Variants in WDR81 observed in about 807,000 individuals in gnomAD.
WDR81 encodes the protein WD repeat domain 81, also known as WD repeat-containing protein 81.
A neutral mutation model predicts 140.8 loss-of-function variants in WDR81; 92 were observed. That is an observed-to-expected ratio of 0.65 (90% CI 0.55 to 0.78). The LOEUF (loss-of-function observed/expected upper bound fraction) is 0.78, where lower values mean the gene tolerates loss of function less well. WDR81 is among the 30% of genes least tolerant of loss of function. The probability of loss-of-function intolerance (pLI) is 0.00; values close to 1 mark genes in which losing one functional copy is unlikely to be tolerated. For missense variants in WDR81, 2,502 were observed against 2,636.4 expected (o/e 0.95, Z 1.12); for synonymous variants, 1,183 against 1,156.4 (o/e 1.02, Z -0.47).
rs2151176660 is a variant in WDR81, at chr17:1,735,614, C to T, written c.5222C>T (p.Pro1741Leu). 1.2e-6 allele frequency: 2 copies of T among 1,612,748 alleles called. No homozygotes were observed. Among genetic ancestry groups the T allele is most frequent in the Non-Finnish European group, 1.7e-6 (2 of 1,179,916 alleles). Residue 1741 changes from proline (P) to leucine (L), a missense_variant, in exon 8 of 10, where the codon CCC becomes CTC. Pro to Leu is a moderately conservative substitution (Grantham distance 98). Coordinates refer to ENST00000409644, the MANE Select transcript of WDR81 (RefSeq NM_001163809.2). This position sits in a 1 kb window ranked among gnomAD's most constrained non-coding sequence, Gnocchi z 4.2. ...RTVEPLDSRV[P>L]LTAVAVMPAP... ...GTGGAGCCGCTGGACAGCCGGGTGC[C>T]CCTGACTGCGGTGGCTGTCATGCCC...
At chr17:1,737,334 C>A (rs191004309) in intron 9 of WDR81, 31 bp from the exon 10 acceptor site, 1 of 1,568,958 alleles carries the variant, frequency 6.4e-7, no homozygotes, top group South Asian at 1.2e-5. Context: ...AGGACCCAGG[C>A]TCCTGCTGAG....
In WDR81 at chr17:1,737,736, T is replaced by G; in HGVS notation, c.*51T>G. 6.5e-7 allele frequency: 1 copy of G among 1,539,694 alleles called. No individual in the cohort carries two copies. Among genetic ancestry groups the G allele is most frequent in the Non-Finnish European group, 8.7e-7 (1 of 1,146,804 alleles). ...GGGTGGGAAGACATCTGCGGGCGCG[T>G]GTCCACTCACCCTGTTCCCTGAGCA... On this transcript the variant is annotated 3_prime_UTR_variant, in exon 10 of 10. Coordinates refer to ENST00000409644, the MANE Select transcript of WDR81 (RefSeq NM_001163809.2).
At chr17:1,732,009 G>A (rs2084927510) in intron 4 of WDR81, among the ~76,000 whole-genome samples, 1 of 151,884 alleles carries the variant, frequency 6.6e-6, no homozygotes, top group Non-Finnish European at 1.5e-5. Context: ...CAAGGTGGGT[G>A]GATCGCTTGA....
intron 7 of WDR81, among the ~76,000 whole-genome samples, chr17:1,734,608 G>A (rs1021637906): frequency 4.0e-5 from 6 of 151,732 alleles, no homozygotes; most frequent in Non-Finnish European, 7.4e-5. Context: ...GTGAAACCCC[G>A]TCTCTACTAA....
rs780740918 is a variant in WDR81 at position 1,733,522 on chromosome 17, T to C, written c.4490-5T>C. On this transcript the variant is annotated splice_region_variant and splice_polypyrimidine_tract_variant and intron_variant, in intron 6 of 9. Transcript: ENST00000409644. ...TGTCTCAGGACCTCTCCCACTCCTA[T>C]CCAGGTGACATCATCCGGAAAATCA... 1 of 1,515,792 alleles carries C rather than the reference T, an allele frequency of 6.6e-7. No homozygotes were observed. The highest frequency in any genetic ancestry group is 8.8e-7 in the Non-Finnish European group (1 of 1,133,340). 93.9% of individuals were successfully genotyped at this position (1,515,792 alleles called of 1,614,324 possible). A position where few individuals can be genotyped will look rare whatever the true frequency, so the allele number is the denominator to read the frequency against.
In WDR81 at chr17:1,725,423, A is replaced by T; in HGVS notation, c.464A>T (p.Tyr155Phe). The change falls in exon 1 of 10, where the codon TAC becomes TTC. Residue 155 changes from tyrosine to phenylalanine, a missense_variant. Physicochemically the swap from Tyr to Phe is conservative, Grantham distance 22. Coordinates refer to ENST00000409644, the MANE Select transcript of WDR81 (RefSeq NM_001163809.2). Reference sequence around the variant, plus strand: ...TATCGCAACCTGTGGCGCCATGCATACCACACTTACGGCCAGCCGTACAGT... The same window carrying T: ...TATCGCAACCTGTGGCGCCATGCATTCCACACTTACGGCCAGCCGTACAGT... ...QNYRNLWRHA[Y>F]HTYGQPYSHS... 6.5e-7 allele frequency: 1 copy of T among 1,549,584 alleles called. No homozygotes were observed. The highest frequency in any genetic ancestry group is 8.7e-7 in the Non-Finnish European group (1 of 1,146,980).
At position 1,730,418 on chromosome 17, in the gene WDR81, C is replaced by T. The variant is rs2151168518; in HGVS notation, c.3706C>T (p.Leu1236Phe). Residue 1236 changes from leucine to phenylalanine, a missense_variant, in exon 2 of 10, where the codon CTC (leucine) becomes TTC (phenylalanine). Physicochemically the swap from Leu to Phe is conservative, Grantham distance 22. Around this residue, in one of 3 missense-constraint regions of WDR81, gnomAD observed 1,737 missense variants for 1,843.0 expected, o/e 0.94. Transcript: ENST00000409644. ...GATGGTCCGCTGGCTGTCTGCCAAG[C>T]TCGGCCCCACAGTGGCCTCTCGCCA... ...CKMVRWLSAK[L>F]GPTVASRHVA... The T allele has an allele frequency of 6.2e-7, 1 of 1,613,218 alleles. No homozygotes were observed. The highest frequency in any genetic ancestry group is 8.5e-7 in the Non-Finnish European group (1 of 1,179,934).
rs756184387 is a variant in WDR81, at chr17:1,732,698, G to A, written c.4356G>A (p.Glu1452=). The A allele has an allele frequency of 2.5e-6, 4 of 1,611,246 alleles. No homozygotes were observed. The change falls in exon 6 of 10, where the codon GAG becomes GAA. Residue 1452 remains glutamate, a synonymous_variant. Transcript: ENST00000409644. Reference sequence around the variant, plus strand: ...AGCTGGACCCTGCGGGCCGTGGTGAGGGCCAGCTGCCACAGGTGGTCTTCT... The same window carrying A: ...AGCTGGACCCTGCGGGCCGTGGTGAAGGCCAGCTGCCACAGGTGGTCTTCT... ...DLKLDPAGRG[E]GQLPQVVFSD...
At chr17:1,729,413 G>A (rs1035655329) in intron 1 of WDR81, among the ~76,000 whole-genome samples, 2 of 152,122 alleles carry the variant, frequency 1.3e-5, no homozygotes, top group African/African-American at 4.8e-5. Flanking sequence ...CCAGGAGGTG[G>A]AGGTTGCAGT....
chr17:1,721,768 G>C (rs1260683709), upstream of WDR81, among the ~76,000 whole-genome samples: 1 of 150,724 alleles, frequency 6.6e-6, no homozygotes, highest in Admixed American at 6.6e-5. Flanking sequence ...GCTGCAGGGA[G>C]CCAAGATCAC....
Position 1,724,998 on chromosome 17 carries a change from A to G in WDR81, c.39A>G (p.Arg13=). The change falls in exon 1 of 10, where the codon AGA becomes AGG. Residue 13 remains arginine (R), a synonymous_variant. Transcript: ENST00000409644. ...GCGGGGGGCGGGAAGGCGCTCTCAG[A>G]ACCCCGGCCGGGGGCTGGCATTCCC... ...QGSGGREGAL[R]TPAGGWHSPP... 1 of 1,467,904 alleles carries G rather than the reference A, an allele frequency of 6.8e-7. No homozygotes were observed. Among genetic ancestry groups the G allele is most frequent in the Non-Finnish European group, 9.0e-7 (1 of 1,112,714 alleles). 90.9% of individuals were successfully genotyped at this position (1,467,904 alleles called of 1,614,324 possible). A position where few individuals can be genotyped will look rare whatever the true frequency, so the allele number is the denominator to read the frequency against.
chr17:1,726,388 C>A lies in WDR81; in HGVS notation c.1429C>A (p.Pro477Thr), dbSNP rs1382322938. The A allele has an allele frequency of 5.2e-6, 8 of 1,550,042 alleles. No homozygotes were observed. The highest frequency in any genetic ancestry group is 7.0e-6 in the Non-Finnish European group (8 of 1,146,784). ...CGCGCAGTGGGAGCCCCATGAGTAT[C>A]CGGCCAGCATGGAGCGGATGCAGAA... ...VRAQWEPHEY[P>T]ASMERMQNWT... The change falls in exon 1 of 10, where the codon CCG becomes ACG. Residue 477 changes from proline to threonine, a missense_variant. Physicochemically the swap from Pro to Thr is conservative, Grantham distance 38 (BLOSUM62 -1). Coordinates refer to ENST00000409644, the MANE Select transcript of WDR81 (RefSeq NM_001163809.2).
upstream of WDR81, among the ~76,000 whole-genome samples, chr17:1,724,256 C>T (rs773538617): frequency 6.6e-6 from 1 of 152,150 alleles, no homozygotes; most frequent in Non-Finnish European, 1.5e-5. Context: ...CCCAGCTACT[C>T]GGGAGGCCGA....
rs1337660681 is a variant in WDR81, at chr17:1,730,872, G to C, written c.3893G>C (p.Cys1298Ser). The C allele has an allele frequency of 6.2e-7, 1 of 1,612,714 alleles. No individual in the cohort carries two copies. The highest frequency in any genetic ancestry group is 1.3e-5 in the African/African-American group (1 of 74,912). ...ATCGTGTCAGGGCCTGTGCTCAGCT[G>C]CCTCCTCCACATCGCCCGCCTGTAT... ...GDIVSGPVLS[C>S]LLHIARLYGE... is the part of the protein sequence containing the mutation. Residue 1298 changes from cysteine (C) to serine (S), a missense_variant, in exon 3 of 10, where the codon TGC becomes TCC. Cys to Ser is a moderately radical substitution (Grantham distance 112, BLOSUM62 -1). Around this residue, in one of 3 missense-constraint regions of WDR81, gnomAD observed 1,737 missense variants for 1,843.0 expected, o/e 0.94. Coordinates refer to ENST00000409644, the MANE Select transcript of WDR81 (RefSeq NM_001163809.2).
Position 1,725,013 on chromosome 17 carries a change from C to T in WDR81, c.54C>T (p.Gly18=), listed in dbSNP as rs1915127255. 2 of 1,472,142 alleles carry T rather than the reference C, an allele frequency of 1.4e-6. No homozygotes were observed. The highest frequency in any genetic ancestry group is 9.0e-7 in the Non-Finnish European group (1 of 1,113,928). 91.2% of individuals were successfully genotyped at this position (1,472,142 alleles called of 1,614,324 possible). A position where few individuals can be genotyped will look rare whatever the true frequency, so the allele number is the denominator to read the frequency against. ...REGALRTPAG[G]WHSPPSPDMQ... is the part of the protein sequence containing the mutation. ...GCGCTCTCAGAACCCCGGCCGGGGG[C>T]TGGCATTCCCCGCCAAGCCCAGACA... The change falls in exon 1 of 10, where the codon GGC becomes GGT. Residue 18 remains glycine (G), a synonymous_variant. Transcript: ENST00000409644.
chr17:1,718,664 C>T (rs1454562775), intron 1 of WDR81, among the ~76,000 whole-genome samples: 1 of 152,180 alleles, frequency 6.6e-6, no homozygotes, highest in Non-Finnish European at 1.5e-5. Flanking sequence ...CCAGGACAAG[C>T]TTAGTGTGAA....
rs1017452255 is a variant in WDR81, at chr17:1,727,422, G to A, written c.2463G>A (p.Val821=). 2.6e-6 allele frequency: 4 copies of A among 1,550,280 alleles called. No homozygotes were observed. The highest frequency in any genetic ancestry group is 2.7e-5 in the African/African-American group (2 of 73,068). Residue 821 remains valine, a synonymous_variant, in exon 1 of 10, where the codon GTG becomes GTA. Coordinates refer to ENST00000409644, the MANE Select transcript of WDR81 (RefSeq NM_001163809.2). Reference sequence around the variant, plus strand: ...AGGTCCCTGTGTCTTTGCAGCCCGTGCTGGACACACTCCTGCAGATGAGTG... The same window carrying A: ...AGGTCCCTGTGTCTTTGCAGCCCGTACTGGACACACTCCTGCAGATGAGTG... ...PKEVPVSLQP[V]LDTLLQMSGP...
In WDR81 at chr17:1,737,999, T is replaced by G. The variant is rs1905029172; in HGVS notation, c.*314T>G. Reference sequence around the variant, plus strand: ...CCCAGCTCTGCCCTCTGGGTCCACATGAGGACAGGGAAGCTCGGGAAGGGG... The same window carrying G: ...CCCAGCTCTGCCCTCTGGGTCCACAGGAGGACAGGGAAGCTCGGGAAGGGG... On this transcript the variant is annotated 3_prime_UTR_variant, in exon 10 of 10. Coordinates refer to ENST00000409644, the MANE Select transcript of WDR81 (RefSeq NM_001163809.2). 4 of 457,642 alleles carry G rather than the reference T, an allele frequency of 8.7e-6. No individual in the cohort carries two copies. The highest frequency in any genetic ancestry group is 7.6e-5 in the South Asian group (3 of 39,294). 28.3% of individuals were successfully genotyped at this position (457,642 alleles called of 1,614,324 possible).
At chr17:1,732,593 C>A (rs1597299272) in intron 5 of WDR81, 73 bp from the exon 6 acceptor site, 1 of 1,571,132 alleles carries the variant, frequency 6.4e-7, no homozygotes, top group East Asian at 2.3e-5. Flanking sequence ...ACTCCGCGGG[C>A]CGTGGCGAGG....
Sources: allele counts gnomAD v4.1 joint callset (sites outside exome capture counted in the v4.1 genomes callset), GRCh38; gene constraint gnomAD v4.1.1; regional missense constraint gnomAD v4.1.1; non-coding constraint Gnocchi (gnomAD v3.1); transcripts MANE v1.5; gene names NCBI Gene and HGNC (gene_info 2026-07-23, HGNC 2026-07-21).